PRKN: variants seen among roughly 807,000 people sequenced by gnomAD.
PRKN encodes parkin RBR E3 ubiquitin protein ligase.
PRKN carries 56 observed loss-of-function variants against 59.5 expected under a neutral mutation model. The observed-to-expected ratio is 0.94, with a 90% confidence interval of 0.76 to 1.18. The LOEUF is 1.18. Ranked by LOEUF, PRKN falls within the 50% of genes most tolerant of loss-of-function variation. The probability of loss-of-function intolerance (pLI) is 0.00; values close to 1 mark genes in which losing one functional copy is unlikely to be tolerated. For missense variants in PRKN, 657 were observed against 596.4 expected (o/e 1.10, Z -1.06); for synonymous variants, 250 against 222.1 (o/e 1.13, Z -1.12).
At chr6:162,434,356 A>G (rs1789677523) in intron 2 of PRKN, among the ~76,000 whole-genome samples, 1 of 152,212 alleles carries the variant, frequency 6.6e-6, no homozygotes, top group African/African-American at 2.4e-5. Flanking sequence ...GATTTAGCAC[A>G]TGGCCAAAGA....
At chr6:161,915,974 T>C (rs989401611) in intron 6 of PRKN, among the ~76,000 whole-genome samples, 1 of 152,032 alleles carries the variant, frequency 6.6e-6, no homozygotes, top group African/African-American at 2.4e-5. Flanking sequence ...TAAACAACCA[T>C]TGATAAATTT....
rs1290338492 is a variant in PRKN at position 161,395,795 on chromosome 6, T to C, written c.1084-8918A>G. On this transcript the variant is annotated intron_variant, in intron 9 of 11. Coordinates refer to ENST00000366898, the MANE Select transcript of PRKN (RefSeq NM_004562.3). The surrounding 1 kb of genome is among the most constrained non-coding windows in gnomAD (Gnocchi z 5.0). The stretch of plus-strand genomic sequence containing the variant: ...AAGCTGGGTCAGGAGTGGCCTGTGG[T>C]CAGGCTCACTCTGACTTTCCTCAGC... Among the ~76,000 whole-genome samples, 1 of 152,200 alleles carries C rather than the reference T, an allele frequency of 6.6e-6. No homozygotes were observed. Among genetic ancestry groups the C allele is most frequent in the Non-Finnish European group, 1.5e-5 (1 of 68,042 alleles).
chr6:162,202,048 A>C (rs180860066), intron 3 of PRKN, among the ~76,000 whole-genome samples: 19 of 152,212 alleles, frequency 1.2e-4, no homozygotes, highest in Admixed American at 1.2e-3. Flanking sequence ...AGCACTTACC[A>C]GAAATACAAC....
intron 1 of PRKN, chr6:162,568,873 A>G (rs1268762356): frequency 1.4e-6 from 1 of 706,046 alleles, no homozygotes; most frequent in South Asian, 1.4e-5. Context: ...AAGTGTACAG[A>G]GATGGAGAAT....
rs552150579 is a variant in PRKN, at chr6:161,373,030, C to T, written c.1168-12825G>A. Among the ~76,000 whole-genome samples, 11 of 152,010 alleles carry T rather than the reference C, an allele frequency of 7.2e-5. No homozygotes were observed. Among genetic ancestry groups the T allele is most frequent in the South Asian group, 6.3e-4 (3 of 4,798 alleles). On this transcript the variant is annotated intron_variant, in intron 10 of 11. Transcript: ENST00000366898. This position sits in a 1 kb window ranked among gnomAD's most constrained non-coding sequence, Gnocchi z 4.8. The stretch of plus-strand genomic sequence containing the variant: ...CTCACTTTGTTGCCCAGGCTGGTTT[C>T]GAATTCTTAGCTTCAAGTGATCCTC...
intron 2 of PRKN, among the ~76,000 whole-genome samples, chr6:162,299,760 C>T (rs78930026): frequency 0.019 from 2,850 of 152,052 alleles, 35 homozygotes; most frequent in East Asian, 0.057. Flanking sequence ...TGCAGGAATT[C>T]TTCCTACCTA....
rs367688297 is a variant in PRKN at position 161,809,137 on chromosome 6, G to A, written c.735-23229C>T. Among the ~76,000 whole-genome samples, 10 of 152,210 alleles carry A rather than the reference G, an allele frequency of 6.6e-5. No individual in the cohort carries two copies. The South Asian group carries it at 1.9e-3, about 28-fold the overall frequency. On this transcript the variant is annotated intron_variant, in intron 6 of 11. Transcript: ENST00000366898. Reference sequence around the variant, plus strand: ...ATTATAGGCATAAGCCACAGAGCCCGGTCAGATCATATTCATTTAACTTTA... The same window carrying A: ...ATTATAGGCATAAGCCACAGAGCCCAGTCAGATCATATTCATTTAACTTTA...
chr6:162,124,265 A>G (rs1781034277), intron 4 of PRKN, among the ~76,000 whole-genome samples: 1 of 152,134 alleles, frequency 6.6e-6, no homozygotes, highest in Non-Finnish European at 1.5e-5. Context: ...AGCATGTCTC[A>G]ATTCCCTTAA....
chr6:162,229,574 C>T (rs1778330047), intron 3 of PRKN, among the ~76,000 whole-genome samples: 2 of 152,198 alleles, frequency 1.3e-5, no homozygotes, highest in South Asian at 2.1e-4. Flanking sequence ...TATGCATATT[C>T]TTTACACACA....
intron 6 of PRKN, among the ~76,000 whole-genome samples, chr6:161,864,588 T>C (rs1371592316): frequency 6.6e-6 from 1 of 152,186 alleles, no homozygotes; most frequent in Non-Finnish European, 1.5e-5. Context: ...TCATGAATCG[T>C]TTTAATGACA....
At chr6:161,682,185 C>G (rs1010645739) in intron 7 of PRKN, among the ~76,000 whole-genome samples, 1 of 152,174 alleles carries the variant, frequency 6.6e-6, no homozygotes, top group Non-Finnish European at 1.5e-5. Context: ...CGAGGCAGCT[C>G]CACTGGGCAT....
At chr6:162,591,441 T>C (rs1368953055) in intron 1 of PRKN, among the ~76,000 whole-genome samples, 2 of 152,186 alleles carry the variant, frequency 1.3e-5, no homozygotes, top group Non-Finnish European at 1.5e-5. Flanking sequence ...GTGCATTGAA[T>C]GTGTAATGAT....
intron 5 of PRKN, among the ~76,000 whole-genome samples, chr6:162,023,604 G>A (rs1783299964): frequency 6.6e-6 from 1 of 152,022 alleles, no homozygotes; most frequent in Non-Finnish European, 1.5e-5. Context: ...ATCTTCTTCC[G>A]CCGATGTGCT....
intron 6 of PRKN, among the ~76,000 whole-genome samples, chr6:161,846,076 A>G (rs1332994901): frequency 6.6e-6 from 1 of 152,190 alleles, no homozygotes; most frequent in African/African-American, 2.4e-5. Flanking sequence ...AAAGATAAAA[A>G]TAGGCTCCAA....
intron 5 of PRKN, among the ~76,000 whole-genome samples, chr6:162,026,315 T>C (rs1278213100): frequency 6.6e-6 from 1 of 152,188 alleles, no homozygotes; most frequent in Non-Finnish European, 1.5e-5. Flanking sequence ...CTGCTAACAC[T>C]GCAATTATGT....
At chr6:161,659,329 T>C in intron 7 of PRKN, among the ~76,000 whole-genome samples, 1 of 152,218 alleles carries the variant, frequency 6.6e-6, no homozygotes, top group Non-Finnish European at 1.5e-5. Flanking sequence ...GGCTACCTCT[T>C]TGAGGACTCA....
chr6:161,596,056 G>A (rs535620480), intron 7 of PRKN, among the ~76,000 whole-genome samples: 17 of 152,308 alleles, frequency 1.1e-4, no homozygotes, highest in South Asian at 6.2e-4. Context: ...ACATGGGGTC[G>A]GGGTGAGGAG....
Position 162,553,559 on chromosome 6 carries a change from A to C in PRKN, c.8-110086T>G, listed in dbSNP as rs1779417835. 4.9e-5 allele frequency among the ~76,000 whole-genome samples: 7 copies of C among 143,590 alleles called. 1 individual carries two copies. Among genetic ancestry groups the C allele is most frequent in the South Asian group, 2.2e-4 (1 of 4,506 alleles). The allele number at this position is 143,590 out of a possible 152,430, so 94.2% of individuals were successfully genotyped here. A position where few individuals can be genotyped will look rare whatever the true frequency, so the allele number is the denominator to read the frequency against. On this transcript the variant is annotated intron_variant, in intron 1 of 11. Coordinates refer to ENST00000366898, the MANE Select transcript of PRKN (RefSeq NM_004562.3). ...TTTACTACCAAAAAAAAAAAAAAAC[A>C]CCCTAAAGCTTCAAGGGAAAGAAAC...
chr6:162,531,014 A>G (rs2846492), intron 1 of PRKN, among the ~76,000 whole-genome samples: 51,164 of 144,328 alleles, frequency 0.35, 10,713 homozygotes, highest in Middle Eastern at 0.51. Context: ...CCAAGATCAC[A>G]CCACTGCACT....
Sources: allele counts gnomAD v4.1 joint callset (sites outside exome capture counted in the v4.1 genomes callset), GRCh38; gene constraint gnomAD v4.1.1; non-coding constraint Gnocchi (gnomAD v3.1); transcripts MANE v1.5; gene names NCBI Gene and HGNC (gene_info 2026-07-23, HGNC 2026-07-21).